NTM: variants seen among roughly 807,000 people sequenced by gnomAD.
NTM encodes the protein neurotrimin, also known as IgLON family member 2.
Under a neutral mutation model 42.1 loss-of-function variants are expected in NTM, and 13 were observed. The ratio of observed to expected loss-of-function variants is 0.31; its 90% CI spans 0.20 to 0.49. The LOEUF (loss-of-function observed/expected upper bound fraction) is 0.49, where lower values mean the gene tolerates loss of function less well. Ranked by LOEUF, NTM falls within the 20% of genes least tolerant of loss-of-function variation. The pLI is 0.99. For missense variants in NTM, 373 were observed against 452.8 expected, an observed-to-expected ratio of 0.82 and a Z score of 1.60; for synonymous variants, 187 against 179.2, an observed-to-expected ratio of 1.04 and a Z score of -0.35.
chr11:131,787,821 G>A (rs903292467), intron 1 of NTM, among the ~76,000 whole-genome samples: 1 of 152,214 alleles, frequency 6.6e-6, no homozygotes, highest in Non-Finnish European at 1.5e-5. Context: ...AAAATGACAG[G>A]TGCTTAAGTT....
chr11:131,444,069 C>T (rs919651157), intron 1 of NTM, among the ~76,000 whole-genome samples: 2 of 151,696 alleles, frequency 1.3e-5, no homozygotes, highest in South Asian at 2.1e-4. Flanking sequence ...TACAGTGATC[C>T]GTTACAAAGT....
chr11:131,421,851 C>T (rs776944288), intron 1 of NTM, among the ~76,000 whole-genome samples: 2 of 152,192 alleles, frequency 1.3e-5, no homozygotes, highest in Non-Finnish European at 1.5e-5. Flanking sequence ...TCCTTTTCCT[C>T]GTAACTTTGT....
chr11:131,825,077 C>T (rs1233589372), intron 1 of NTM, among the ~76,000 whole-genome samples: 2 of 152,148 alleles, frequency 1.3e-5, no homozygotes, highest in Admixed American at 6.6e-5. Context: ...CTTCTGAGGG[C>T]TATGAGGGAG....
chr11:131,971,290 G>A (rs1456032818), intron 2 of NTM, among the ~76,000 whole-genome samples: 1 of 152,062 alleles, frequency 6.6e-6, no homozygotes, highest in Non-Finnish European at 1.5e-5. Flanking sequence ...ACACCTCACT[G>A]TTATTTTCAT....
At chr11:132,001,661 C>G (rs2069271773) in intron 2 of NTM, among the ~76,000 whole-genome samples, 1 of 152,084 alleles carries the variant, frequency 6.6e-6, no homozygotes, top group Admixed American at 6.6e-5. Flanking sequence ...GGATCTCCCC[C>G]CATTACCCAA....
At chr11:132,201,876 C>CT (rs2081213386) in intron 3 of NTM, among the ~76,000 whole-genome samples, 1 of 152,154 alleles carries the variant, frequency 6.6e-6, no homozygotes, top group South Asian at 2.1e-4. Context: ...AGCTCAGTGG[C>CT]TTCGAGCACA....
At chr11:131,800,169 T>C (rs1190581096) in intron 1 of NTM, among the ~76,000 whole-genome samples, 1 of 152,182 alleles carries the variant, frequency 6.6e-6, no homozygotes, top group African/African-American at 2.4e-5. Context: ...AGCAAACAGA[T>C]TTTCAAACAT....
At chr11:132,272,689 A>G (rs896840782) in intron 4 of NTM, among the ~76,000 whole-genome samples, 1 of 152,190 alleles carries the variant, frequency 6.6e-6, no homozygotes, top group Admixed American at 6.5e-5. Flanking sequence ...TTGAAAATAT[A>G]TAGAAATACA....
At chr11:131,733,480 T>A (rs1291244400) in intron 1 of NTM, among the ~76,000 whole-genome samples, 3 of 142,040 alleles carry the variant, frequency 2.1e-5, no homozygotes, top group East Asian at 2.0e-4. Flanking sequence ...CCTTCCTTCC[T>A]TCCTTCCTTC....
At chr11:131,461,831 T>G (rs1007071557) in intron 1 of NTM, among the ~76,000 whole-genome samples, 2 of 152,176 alleles carry the variant, frequency 1.3e-5, no homozygotes, top group African/African-American at 4.8e-5. Context: ...TCTTTGTCAA[T>G]TATACCTCAA....
chr11:131,705,717 G>A (rs1399776287), intron 1 of NTM, among the ~76,000 whole-genome samples: 2 of 152,110 alleles, frequency 1.3e-5, no homozygotes, highest in Admixed American at 1.3e-4. Flanking sequence ...GTGGGAAGAA[G>A]AGAAGTTAAA....
rs543595461 is a variant in NTM at position 131,832,311 on chromosome 11, A to G, written c.83-79253A>G. On this transcript the variant is annotated intron_variant, in intron 1 of 8. Transcript: ENST00000683400. ...AGTCTGAGAGACAAAATTCAGTCTCAGCAGCCAGGGGACTGAGCATGTGAT... is the reference window on the plus strand; with the variant it reads ...AGTCTGAGAGACAAAATTCAGTCTCGGCAGCCAGGGGACTGAGCATGTGAT... Among the ~76,000 whole-genome samples the G allele has an allele frequency of 1.1e-3, 169 of 152,252 alleles. 2 individuals carry two copies. The highest frequency in any genetic ancestry group is 3.9e-3 in the African/African-American group (162 of 41,550).
At position 131,879,436 on chromosome 11, in the gene NTM, A is replaced by G. The variant is rs184830533; in HGVS notation, c.83-32128A>G. On this transcript the variant is annotated intron_variant, in intron 1 of 8. Transcript: ENST00000683400. ...CATAAAAACATTGAAATTTTGGGTC[A>G]TCTTAATGATGACAGCCCCACTCCC... Among the ~76,000 whole-genome samples the G allele has an allele frequency of 1.6e-4, 24 of 152,252 alleles. No individual in the cohort carries two copies. The East Asian group carries it at 4.6e-3, about 29-fold the overall frequency.
chr11:131,866,144 GCACA>G (rs746973624), intron 1 of NTM, among the ~76,000 whole-genome samples: 1 of 149,212 alleles, frequency 6.7e-6, no homozygotes, highest in Non-Finnish European at 1.5e-5. Flanking sequence ...CATGCATGCC[GCACA>G]CACACGGTGC....
chr11:131,398,082 C>G (rs1944751515), intron 1 of NTM, among the ~76,000 whole-genome samples: 2 of 152,198 alleles, frequency 1.3e-5, no homozygotes, highest in Non-Finnish European at 2.9e-5. Context: ...TTTCACATGG[C>G]TACTTTCCCC....
chr11:132,117,358 A>G (rs2064053939), intron 2 of NTM, among the ~76,000 whole-genome samples: 1 of 152,166 alleles, frequency 6.6e-6, no homozygotes, highest in Non-Finnish European at 1.5e-5. Context: ...AACTCTGAGC[A>G]TGGGCCCCTC....
intron 1 of NTM, among the ~76,000 whole-genome samples, chr11:131,798,427 C>G (rs1256229270): frequency 6.6e-6 from 1 of 152,186 alleles, no homozygotes; most frequent in East Asian, 1.9e-4. Context: ...TCGCTTCCCC[C>G]AGAAGGACAT....
At chr11:131,657,655 G>A (rs2067381024) in intron 1 of NTM, among the ~76,000 whole-genome samples, 1 of 152,192 alleles carries the variant, frequency 6.6e-6, no homozygotes, top group South Asian at 2.1e-4. Context: ...GATATAAGAA[G>A]GCAGGCATCA....
chr11:131,487,576 G>C (rs1456966853), intron 1 of NTM, among the ~76,000 whole-genome samples: 2 of 152,196 alleles, frequency 1.3e-5, no homozygotes. Flanking sequence ...ATATTAGCCA[G>C]GGTAACAATA....
Sources: allele counts gnomAD v4.1 joint callset (sites outside exome capture counted in the v4.1 genomes callset), GRCh38; gene constraint gnomAD v4.1.1; transcripts MANE v1.5; gene names NCBI Gene and HGNC (gene_info 2026-07-23, HGNC 2026-07-21).